Variants in AKR1C8 observed in about 807,000 individuals in gnomAD.
The protein encoded by AKR1C8 is aldo-keto reductase family 1 member C-like protein 1.
chr10:5,145,223 G>T, the AKR1C8 span, among the ~76,000 whole-genome samples: 1 of 152,042 alleles, frequency 6.6e-6, no homozygotes, highest in Non-Finnish European at 1.5e-5. Flanking sequence ...TTAAACGTTA[G>T]ACCTAAAACC....
the AKR1C8 span, among the ~76,000 whole-genome samples, chr10:5,178,465 G>C: frequency 1.3e-5 from 2 of 152,140 alleles, no homozygotes; most frequent in African/African-American, 2.4e-5. Context: ...TGTTGATTTT[G>C]GGTGGAGAGT....
chr10:5,134,062 G>A, the AKR1C8 span, among the ~76,000 whole-genome samples: 3 of 152,088 alleles, frequency 2.0e-5, no homozygotes, highest in Non-Finnish European at 2.9e-5. Flanking sequence ...AAACAACAAA[G>A]CCATGAATAG....
At chr10:5,134,551 G>T in the AKR1C8 span, among the ~76,000 whole-genome samples, 4 of 152,114 alleles carry the variant, frequency 2.6e-5, no homozygotes, top group Non-Finnish European at 5.9e-5. Flanking sequence ...CTCCTTCGAG[G>T]TTCTAGTTTT....
At chr10:5,153,799 T>C in the AKR1C8 span, among the ~76,000 whole-genome samples, 2 of 152,208 alleles carry the variant, frequency 1.3e-5, no homozygotes, top group Non-Finnish European at 1.5e-5. Context: ...TACTGGAGAT[T>C]ATCATTGACA....
At chr10:5,150,828 G>A in the AKR1C8 span, among the ~76,000 whole-genome samples, 1 of 152,142 alleles carries the variant, frequency 6.6e-6, no homozygotes, top group Admixed American at 6.6e-5. Context: ...CATTGTAACT[G>A]CCCGGTGGGT....
the AKR1C8 span, among the ~76,000 whole-genome samples, chr10:5,174,358 G>A: frequency 6.6e-6 from 1 of 151,292 alleles, no homozygotes; most frequent in Non-Finnish European, 1.5e-5. Context: ...AAATTATAAT[G>A]CCTCTTAGTT....
At chr10:5,125,656 C>A in the AKR1C8 span, among the ~76,000 whole-genome samples, 13 of 152,168 alleles carry the variant, frequency 8.5e-5, no homozygotes, top group African/African-American at 3.1e-4. Flanking sequence ...AAGTCCTGAG[C>A]CTGTCCCTGA....
chr10:5,178,229 C>A, the AKR1C8 span, among the ~76,000 whole-genome samples: 11 of 152,136 alleles, frequency 7.2e-5, no homozygotes, highest in Non-Finnish European at 1.5e-4. Context: ...GCTTTCATTT[C>A]GTTATGTACC....
the AKR1C8 span, among the ~76,000 whole-genome samples, chr10:5,170,799 G>T: frequency 6.6e-6 from 1 of 152,026 alleles, no homozygotes; most frequent in Non-Finnish European, 1.5e-5. Flanking sequence ...TTCCAATTGT[G>T]TCCTGTTACA....
chr10:5,128,846 A>G, the AKR1C8 span, among the ~76,000 whole-genome samples: 2 of 152,130 alleles, frequency 1.3e-5, no homozygotes, highest in Non-Finnish European at 2.9e-5. Flanking sequence ...TGAGGGACTC[A>G]ATACTCCACT....
At chr10:5,133,388 A>C in the AKR1C8 span, among the ~76,000 whole-genome samples, 1 of 152,116 alleles carries the variant, frequency 6.6e-6, no homozygotes, top group Non-Finnish European at 1.5e-5. Flanking sequence ...CCACTGCAGG[A>C]AGCCTCCTAA....
chr10:5,133,107 G>C, the AKR1C8 span, among the ~76,000 whole-genome samples: 1 of 152,032 alleles, frequency 6.6e-6, no homozygotes, highest in Non-Finnish European at 1.5e-5. Flanking sequence ...ATTTGAGACA[G>C]AGTCTCACTC....
chr10:5,179,492 A>G, the AKR1C8 span, among the ~76,000 whole-genome samples: 2 of 152,022 alleles, frequency 1.3e-5, no homozygotes, highest in African/African-American at 2.4e-5. Flanking sequence ...CCTTTGTGGC[A>G]TTCTCTGTAT....
the AKR1C8 span, among the ~76,000 whole-genome samples, chr10:5,175,035 G>T: frequency 1.8e-4 from 28 of 151,948 alleles, no homozygotes; most frequent in Admixed American, 1.4e-3. Context: ...TGTTACATAT[G>T]TATACATGTG....
chr10:5,132,716 G>GA, the AKR1C8 span: 1 of 1,574,408 alleles, frequency 6.4e-7, no homozygotes, highest in African/African-American at 1.4e-5. Flanking sequence ...CAATATGGAA[G>GA]AAACCAGCTT....
the AKR1C8 span, among the ~76,000 whole-genome samples, chr10:5,172,981 A>G: frequency 6.6e-6 from 1 of 152,168 alleles, no homozygotes; most frequent in Non-Finnish European, 1.5e-5. Flanking sequence ...TTTAGGGCCT[A>G]ATAAACAAGC....
chr10:5,176,070 G>A, the AKR1C8 span, among the ~76,000 whole-genome samples: 2 of 151,714 alleles, frequency 1.3e-5, no homozygotes, highest in African/African-American at 4.8e-5. Flanking sequence ...TGTCCTGAAT[G>A]GTAATGCCTA....
the AKR1C8 span, chr10:5,123,792 C>T: frequency 6.2e-7 from 1 of 1,613,024 alleles, no homozygotes; most frequent in Non-Finnish European, 8.5e-7. Flanking sequence ...CAGCAGTTTG[C>T]TCTGGTTGAG....
chr10:5,163,347 C>T, the AKR1C8 span, among the ~76,000 whole-genome samples: 1 of 152,176 alleles, frequency 6.6e-6, no homozygotes, highest in South Asian at 2.1e-4. Context: ...CCACTGAAAG[C>T]AACTGGCCCT....
Sources: allele counts gnomAD v4.1 joint callset (sites outside exome capture counted in the v4.1 genomes callset), GRCh38; gene constraint gnomAD v4.1.1; transcripts MANE v1.5; gene names NCBI Gene and HGNC (gene_info 2026-07-23, HGNC 2026-07-21).